The following GPHN variants were observed in gnomAD, a reference collection of about 807,000 sequenced individuals.
The protein encoded by GPHN is gephyrin.
A neutral mutation model predicts 95.5 loss-of-function variants in GPHN; 17 were observed. The observed-to-expected ratio is 0.18, with a 90% confidence interval of 0.12 to 0.27. The LOEUF is 0.27. GPHN is among the 10% of genes least tolerant of loss of function. GPHN has a pLI of 1.00. For synonymous variants in GPHN, 320 were observed against 322.5 expected, an observed-to-expected ratio of 0.99 and a Z score of 0.08; for missense variants, 660 against 978.1, an observed-to-expected ratio of 0.67 and a Z score of 4.34.
chr14:67,471,862 G>A, the GPHN span: 1 of 152,266 alleles, frequency 6.6e-6, no homozygotes, highest in African/African-American at 2.4e-5. Context: ...ATAAAAAGGG[G>A]AAGGCTAATT....
chr14:67,589,458 G>T, the GPHN span: 1 of 985,292 alleles, frequency 1.0e-6, no homozygotes, highest in Non-Finnish European at 1.2e-6. Flanking sequence ...TAACAGAAAA[G>T]TATTAATGTG....
intron 8 of GPHN, among the ~76,000 whole-genome samples, chr14:66,956,858 G>A (rs1468400440): frequency 3.3e-5 from 5 of 149,922 alleles, no homozygotes; most frequent in East Asian, 2.0e-4. Flanking sequence ...GTAAACTATC[G>A]CAAGAACAAA....
At chr14:67,571,964 G>T in the GPHN span, 1 of 1,537,154 alleles carries the variant, frequency 6.5e-7, no homozygotes, top group East Asian at 2.4e-5. Flanking sequence ...TCTTCCCATG[G>T]GCACTTGAAC....
the GPHN span, among the ~76,000 whole-genome samples, chr14:67,314,535 T>TC: frequency 6.6e-6 from 1 of 152,218 alleles, no homozygotes; most frequent in Non-Finnish European, 1.5e-5. Flanking sequence ...GAGTAACAGT[T>TC]ACAGGACATT....
At chr14:66,622,873 A>G (rs1461475829) in intron 1 of GPHN, among the ~76,000 whole-genome samples, 2 of 152,058 alleles carry the variant, frequency 1.3e-5, no homozygotes, top group Non-Finnish European at 2.9e-5. Flanking sequence ...ACTTTCCCAG[A>G]TTTTCCTGTC....
At chr14:66,748,911 G>T (rs1347556627) in intron 2 of GPHN, among the ~76,000 whole-genome samples, 1 of 151,896 alleles carries the variant, frequency 6.6e-6, no homozygotes, top group Non-Finnish European at 1.5e-5. Context: ...AGGTTTTGGA[G>T]CATTTCAGAT....
intron 6 of GPHN, among the ~76,000 whole-genome samples, chr14:66,917,144 T>C (rs953074644): frequency 1.3e-5 from 2 of 152,356 alleles, no homozygotes; most frequent in Middle Eastern, 3.4e-3. Context: ...AGTGCATTTC[T>C]TCCTCAGGCC....
chr14:66,925,418 C>T (rs1034285494), intron 8 of GPHN, among the ~76,000 whole-genome samples: 3 of 152,140 alleles, frequency 2.0e-5, no homozygotes, highest in African/African-American at 7.2e-5. Context: ...CTATTTCCCA[C>T]TCCCCCTACC....
At chr14:66,549,072 G>T (rs1043543022) in intron 1 of GPHN, among the ~76,000 whole-genome samples, 1 of 151,936 alleles carries the variant, frequency 6.6e-6, no homozygotes, top group Non-Finnish European at 1.5e-5. Context: ...TATGTATTAT[G>T]TGTTAATTTA....
chr14:66,699,983 C>T (rs7145850), intron 2 of GPHN, among the ~76,000 whole-genome samples: 50,176 of 152,016 alleles, frequency 0.33, 12,195 homozygotes, highest in African/African-American at 0.66. Context: ...TTTTTTTAAA[C>T]TAATCTTAAT....
At chr14:66,542,456 T>A (rs1326486298) in intron 1 of GPHN, among the ~76,000 whole-genome samples, 1 of 152,222 alleles carries the variant, frequency 6.6e-6, no homozygotes, top group African/African-American at 2.4e-5. Flanking sequence ...CCTTTTACTC[T>A]GTCTACCCAT....
chr14:67,513,429 CCTGCT>C, the GPHN span, among the ~76,000 whole-genome samples: 2 of 152,182 alleles, frequency 1.3e-5, no homozygotes, highest in African/African-American at 4.8e-5. Context: ...TCAGTTTTCT[CCTGCT>C]ACTCCTTATT....
the GPHN span, among the ~76,000 whole-genome samples, chr14:67,463,435 C>T: frequency 6.6e-6 from 1 of 151,914 alleles, no homozygotes; most frequent in Non-Finnish European, 1.5e-5. Flanking sequence ...GTCAGGAGAT[C>T]GAGACCATCC....
intron 9 of GPHN, among the ~76,000 whole-genome samples, chr14:66,984,269 A>G (rs1305698200): frequency 1.3e-5 from 2 of 152,202 alleles, no homozygotes; most frequent in Non-Finnish European, 2.9e-5. Context: ...CAAAGAAAAC[A>G]GCACAAGAGG....
chr14:67,658,106 G>C, the GPHN span, among the ~76,000 whole-genome samples: 183 of 152,260 alleles, frequency 1.2e-3, no homozygotes, highest in Middle Eastern at 3.4e-3. Flanking sequence ...GGAAACCACT[G>C]AATGAGGTTC....
chr14:67,655,861 T>A, the GPHN span, among the ~76,000 whole-genome samples: 3 of 152,252 alleles, frequency 2.0e-5, no homozygotes, highest in South Asian at 6.2e-4. Context: ...CATCTTTTTT[T>A]CCCCTCACTG....
chr14:67,167,043 C>T (rs375817121), intron 20 of GPHN, among the ~76,000 whole-genome samples: 1 of 152,120 alleles, frequency 6.6e-6, no homozygotes, highest in Non-Finnish European at 1.5e-5. Context: ...TCCCTAATCT[C>T]GACAAGTTTT....
the GPHN span, among the ~76,000 whole-genome samples, chr14:67,439,603 T>TC: frequency 6.7e-6 from 1 of 149,884 alleles, no homozygotes; most frequent in Non-Finnish European, 1.5e-5. Context: ...CTTCTTTCTT[T>TC]TTTGCATCAG....
chr14:66,646,302 C>G (rs1435471392), intron 1 of GPHN, among the ~76,000 whole-genome samples: 1 of 152,020 alleles, frequency 6.6e-6, no homozygotes, highest in Non-Finnish European at 1.5e-5. Context: ...GAAAACAAAA[C>G]CAGAAGAATC....
Sources: gnomAD v4.1 joint callset for allele counts (sites outside exome capture counted in the v4.1 genomes callset) on GRCh38, gnomAD v4.1.1 for gene constraint, MANE v1.5 for transcripts, NCBI Gene and HGNC (gene_info 2026-07-23, HGNC 2026-07-21) for gene names.